Variants in FHIT observed in about 807,000 individuals in gnomAD.
The protein encoded by FHIT is fragile histidine triad diadenosine triphosphatase.
Under a neutral mutation model 17.9 loss-of-function variants are expected in FHIT, and 19 were observed. The observed-to-expected ratio is 1.06, with a 90% CI of 0.74 to 1.56. FHIT has a LOEUF of 1.56. Among genes scored for constraint, FHIT ranks in the 40% most tolerant of loss-of-function variants. The probability of loss-of-function intolerance (pLI) is 0.00; values close to 1 mark genes in which losing one functional copy is unlikely to be tolerated. For synonymous variants in FHIT, 81 were observed against 69.7 expected (o/e 1.16, Z -0.81); for missense variants, 248 against 189.2 (o/e 1.31, Z -1.82).
chr3:59,817,729 A>G (rs986372746), intron 8 of FHIT, among the ~76,000 whole-genome samples: 1 of 152,156 alleles, frequency 6.6e-6, no homozygotes, highest in Non-Finnish European at 1.5e-5. Flanking sequence ...TAGTCAAGTC[A>G]GTTTCACCTG....
intron 5 of FHIT, among the ~76,000 whole-genome samples, chr3:60,179,168 T>C (rs1701812574): frequency 6.6e-6 from 1 of 152,160 alleles, no homozygotes; most frequent in Non-Finnish European, 1.5e-5. Flanking sequence ...ATTAGGCGCA[T>C]TTCAGTCTCA....
At chr3:59,958,422 G>A (rs562884832) in intron 7 of FHIT, among the ~76,000 whole-genome samples, 152 of 152,188 alleles carry the variant, frequency 1.0e-3, no homozygotes, top group African/African-American at 3.5e-3. Context: ...CATAGGCTAC[G>A]GCAGAAAGGT....
intron 5 of FHIT, among the ~76,000 whole-genome samples, chr3:60,180,593 T>G (rs1278877824): frequency 6.6e-6 from 1 of 151,886 alleles, no homozygotes; most frequent in African/African-American, 2.4e-5. Flanking sequence ...TAGCTCTTTG[T>G]TTGTCTTAGG....
intron 5 of FHIT, among the ~76,000 whole-genome samples, chr3:60,160,794 G>A (rs1212863415): frequency 6.6e-6 from 1 of 151,248 alleles, no homozygotes; most frequent in Non-Finnish European, 1.5e-5. Flanking sequence ...AGAGCTGAAT[G>A]AGAGTGAGAA....
At chr3:60,098,664 G>A (rs990059587) in intron 5 of FHIT, among the ~76,000 whole-genome samples, 6 of 152,234 alleles carry the variant, frequency 3.9e-5, no homozygotes, top group African/African-American at 1.2e-4. Context: ...CATTTTGTAG[G>A]TTGCCTGTTC....
intron 4 of FHIT, among the ~76,000 whole-genome samples, chr3:60,595,209 GA>G (rs2038224457): frequency 6.6e-6 from 1 of 152,012 alleles, no homozygotes; most frequent in African/African-American, 2.4e-5. Context: ...AGAGAACAGA[GA>G]AAAAAGCTAG....
intron 5 of FHIT, among the ~76,000 whole-genome samples, chr3:60,028,847 T>A (rs1559561751): frequency 6.6e-6 from 1 of 152,020 alleles, no homozygotes. Context: ...GGAAGTGACA[T>A]CAAAAAAGTC....
chr3:60,129,119 C>A (rs994717699), intron 5 of FHIT, among the ~76,000 whole-genome samples: 17 of 134,976 alleles, frequency 1.3e-4, no homozygotes, highest in African/African-American at 4.4e-4. Context: ...GTGGCGCAAT[C>A]TTGGCTCACT....
At chr3:61,144,790 C>G (rs2037180649) in intron 2 of FHIT, among the ~76,000 whole-genome samples, 1 of 152,160 alleles carries the variant, frequency 6.6e-6, no homozygotes, top group African/African-American at 2.4e-5. Context: ...TTTGACTTCC[C>G]TAGTAATGAG....
intron 5 of FHIT, among the ~76,000 whole-genome samples, chr3:60,254,638 A>G (rs1406504036): frequency 6.6e-6 from 1 of 152,208 alleles, no homozygotes; most frequent in East Asian, 1.9e-4. Flanking sequence ...AGGTTTCTAC[A>G]GGAGTAATGT....
chr3:60,025,871 A>G (rs996429686), intron 5 of FHIT, among the ~76,000 whole-genome samples: 1 of 152,198 alleles, frequency 6.6e-6, no homozygotes, highest in Admixed American at 6.6e-5. Context: ...GCAGCCTCTA[A>G]AAACAAAGCA....
At chr3:60,558,688 T>C (rs1371135226) in intron 4 of FHIT, among the ~76,000 whole-genome samples, 1 of 152,182 alleles carries the variant, frequency 6.6e-6, no homozygotes, top group African/African-American at 2.4e-5. Flanking sequence ...GGCCCAGGCC[T>C]AGCACTCATG....
chr3:59,928,679 C>T (rs1705794435), intron 7 of FHIT, among the ~76,000 whole-genome samples: 1 of 152,176 alleles, frequency 6.6e-6, no homozygotes. Context: ...TACCACTTAA[C>T]ACATACTAGG....
chr3:60,011,357 T>C lies in FHIT; in HGVS notation c.279+14A>G. The C allele has an allele frequency of 3.7e-6, 6 of 1,613,370 alleles. No individual in the cohort carries two copies. Among genetic ancestry groups the C allele is most frequent in the Non-Finnish European group, 5.1e-6 (6 of 1,179,346 alleles). ...CGCCTCTTATTAATTTGTATGCACA[T>C]AATAAGCACTCACCTTCACAGTCTG... On this transcript the variant is annotated intron_variant, in intron 7 of 9. Coordinates refer to ENST00000492590, the MANE Select transcript of FHIT (RefSeq NM_002012.4).
chr3:60,667,375 T>G (rs2040405550), intron 4 of FHIT, among the ~76,000 whole-genome samples: 1 of 152,154 alleles, frequency 6.6e-6, no homozygotes, highest in African/African-American at 2.4e-5. Context: ...CTCTTATCTC[T>G]AATTAACAGT....
chr3:61,244,317 A>G lies in FHIT; in HGVS notation c.-213+6984T>C, dbSNP rs2040437823. Among the ~76,000 whole-genome samples the G allele has an allele frequency of 2.6e-5, 4 of 152,344 alleles. No individual in the cohort carries two copies. In the South Asian group the frequency reaches 6.2e-4, roughly 24 times the overall value. On this transcript the variant is annotated intron_variant, in intron 1 of 9. Transcript: ENST00000492590. Reference sequence around the variant, plus strand: ...TGGAAAGCAATCCAAACAAATTAAAATTACATAATGAAGGAATAAACTTAC... The same window carrying G: ...TGGAAAGCAATCCAAACAAATTAAAGTTACATAATGAAGGAATAAACTTAC...
At chr3:60,173,900 TA>T (rs1701534117) in intron 5 of FHIT, among the ~76,000 whole-genome samples, 7 of 75,992 alleles carry the variant, frequency 9.2e-5, no homozygotes, top group East Asian at 6.9e-4. Context: ...TATATATATA[TA>T]TATATATATA....
chr3:59,747,992 A>G lies in FHIT; in HGVS notation c.*1593T>C, dbSNP rs962755767. Reference sequence around the variant, plus strand: ...GTTATTCTCTTTAATCCTTCTGAATATGCCAAATGGAGAGTTTCGGTTTGG... The same window carrying G: ...GTTATTCTCTTTAATCCTTCTGAATGTGCCAAATGGAGAGTTTCGGTTTGG... On this transcript the variant is annotated 3_prime_UTR_variant, in exon 10 of 10. Transcript: ENST00000492590. 4.6e-5 allele frequency among the ~76,000 whole-genome samples: 7 copies of G among 152,152 alleles called. No individual in the cohort carries two copies. Among genetic ancestry groups the G allele is most frequent in the Non-Finnish European group, 7.3e-5 (5 of 68,034 alleles).
intron 5 of FHIT, among the ~76,000 whole-genome samples, chr3:60,263,508 A>T (rs1706405812): frequency 6.6e-6 from 1 of 152,038 alleles, no homozygotes; most frequent in African/African-American, 2.4e-5. Flanking sequence ...TCAGCAATGA[A>T]AAGGAATGAA....
Sources: allele counts gnomAD v4.1 joint callset (sites outside exome capture counted in the v4.1 genomes callset), GRCh38; gene constraint gnomAD v4.1.1; transcripts MANE v1.5; gene names NCBI Gene and HGNC (gene_info 2026-07-23, HGNC 2026-07-21).